RAB11FIP5: variants seen among roughly 807,000 people sequenced by gnomAD.
RAB11FIP5 encodes the protein RAB11 family interacting protein 5, also known as rab11 family-interacting protein 5.
A neutral mutation model predicts 85.1 loss-of-function variants in RAB11FIP5; 48 were observed. The observed-to-expected ratio is 0.56, with a 90% CI of 0.45 to 0.72. RAB11FIP5 has a LOEUF of 0.72. Among genes scored for constraint, RAB11FIP5 ranks in the 30% least tolerant of loss-of-function variants. RAB11FIP5 has a pLI of 0.00. For synonymous variants in RAB11FIP5, 729 were observed against 727.3 expected, an observed-to-expected ratio of 1.00 and a Z score of -0.04; for missense variants, 1,491 against 1,687.0, an observed-to-expected ratio of 0.88 and a Z score of 2.04.
intron 3 of RAB11FIP5, among the ~76,000 whole-genome samples, chr2:73,082,494 G>A (rs1450413106): frequency 1.3e-5 from 2 of 152,270 alleles, no homozygotes; most frequent in African/African-American, 2.4e-5. Flanking sequence ...AAGTAATGAC[G>A]GGCTGTCATT....
At chr2:73,107,499 A>T (rs981536664) in intron 1 of RAB11FIP5, among the ~76,000 whole-genome samples, 11 of 152,068 alleles carry the variant, frequency 7.2e-5, no homozygotes, top group Admixed American at 3.3e-4. Flanking sequence ...TGGGGCAGAG[A>T]TGGGGCTGAC....
rs568528664 is a variant in RAB11FIP5 at position 73,085,783 on chromosome 2, T to C, written c.1568+2267A>G. 9.8e-5 allele frequency among the ~76,000 whole-genome samples: 15 copies of C among 152,286 alleles called. No homozygotes were observed. The South Asian group carries it at 2.3e-3, about 23-fold the overall frequency. On this transcript the variant is annotated intron_variant, in intron 3 of 5. Transcript: ENST00000486777. ...ACACGTTCAGCCCCGGGCCTCTCTG[T>C]GGGGCATCAGTGCCACATGGGAGCA... is the stretch of plus-strand genomic sequence containing the variant.
In RAB11FIP5 at chr2:73,088,985, C is replaced by T. The variant is rs776261949; in HGVS notation, c.762G>A (p.Ser254=). The T allele has an allele frequency of 1.4e-5, 22 of 1,614,198 alleles. No individual in the cohort carries two copies. Among genetic ancestry groups the T allele is most frequent in the South Asian group, 2.2e-5 (2 of 91,086 alleles). Residue 254 remains serine, a synonymous_variant, in exon 2 of 6, where the codon TCG becomes TCA. Transcript: ENST00000486777. The part of the protein sequence containing the change: ...SLTQSNTSLG[S]DSTLSSASGS... ...CGCTGGCTGAGGACAGGGTGCTGTC[C>T]GAGCCCAGCGAGGTGTTGGACTGGG...
rs1683970664 is a variant in RAB11FIP5, at chr2:73,081,149, C to T, written c.2083G>A (p.Glu695Lys). 1.6e-6 allele frequency: 2 copies of T among 1,233,284 alleles called. No individual in the cohort carries two copies. The highest frequency in any genetic ancestry group is 2.0e-6 in the Non-Finnish European group (2 of 988,786). 76.4% of individuals were successfully genotyped at this position (1,233,284 alleles called of 1,614,324 possible). The change falls in exon 4 of 6, where the codon GAG becomes AAG. Residue 695 changes from glutamate (E) to lysine (K), a missense_variant. Around this residue, in one of 3 missense-constraint regions of RAB11FIP5, gnomAD observed 1,211 missense variants for 1,338.0 expected, o/e 0.91. Coordinates refer to ENST00000486777, the MANE Select transcript of RAB11FIP5 (RefSeq NM_001371272.1). The surrounding 1 kb of genome is among the most constrained non-coding windows in gnomAD (Gnocchi z 4.2). ...GPGAMTAKAA[E>K]PQGEPGGGGG... ...CCTCCCCCAGGCTCTCCCTGGGGCT[C>T]AGCTGCCTTCGCAGTCATGGCCCCA...
At position 73,088,697 on chromosome 2, in the gene RAB11FIP5, G is replaced by T; in HGVS notation, c.921C>A (p.Ser307Arg). The T allele has an allele frequency of 6.2e-7, 1 of 1,612,262 alleles. No individual in the cohort carries two copies. ...PKLFTHKRTY[S>R]DEANQMRVAP... ...CCACTCGCATCTGGTTGGCCTCATC[G>T]CTGTAGGTCCTCTTATGGGTGAACA... Residue 307 changes from serine to arginine, a missense_variant, in exon 3 of 6, where the codon AGC becomes AGA. Transcript: ENST00000486777.
Position 73,078,363 on chromosome 2 carries a change from G to A in RAB11FIP5, c.3581+1288C>T, listed in dbSNP as rs1246814508. Among the ~76,000 whole-genome samples the A allele has an allele frequency of 6.6e-6, 1 of 152,172 alleles. No homozygotes were observed. Among genetic ancestry groups the A allele is most frequent in the Non-Finnish European group, 1.5e-5 (1 of 68,034 alleles). On this transcript the variant is annotated intron_variant, in intron 4 of 5. Transcript: ENST00000486777. This position sits in a 1 kb window ranked among gnomAD's most constrained non-coding sequence, Gnocchi z 4.4. ...ACAGACATGAAGCCAACTCTGGGAC[G>A]AATAAAACTTATAAAAAGTGGCAAG...
rs563242788 is a variant in RAB11FIP5, at chr2:73,075,968, GC to G, written c.3771+24del. 135 of 1,597,122 alleles carry G rather than the reference GC, an allele frequency of 8.5e-5. 3 individuals carry two copies. The South Asian group carries it at 1.5e-3, about 18-fold the overall frequency. On this transcript the variant is annotated intron_variant, in intron 5 of 5. Transcript: ENST00000486777. This position sits in a 1 kb window ranked among gnomAD's most constrained non-coding sequence, Gnocchi z 4.6. ...ACTCCACCACACATTCTGTCAGATG[GC>G]CCCCACACCCTGCTGGGCCTTACCT...
chr2:73,108,759 T>C (rs547843716), intron 1 of RAB11FIP5, among the ~76,000 whole-genome samples: 28 of 152,286 alleles, frequency 1.8e-4, no homozygotes, highest in African/African-American at 6.7e-4. Context: ...AAGAAGGACG[T>C]TGGGCCAGGC....
intron 4 of RAB11FIP5, among the ~76,000 whole-genome samples, chr2:73,076,616 G>A (rs1299140782): frequency 6.6e-6 from 1 of 152,142 alleles, no homozygotes; most frequent in Non-Finnish European, 1.5e-5. Flanking sequence ...AGGATTCCCA[G>A]GACATGAGAC....
chr2:73,081,969 T>G lies in RAB11FIP5; in HGVS notation c.1569-306A>C, dbSNP rs1683992425. Among the ~76,000 whole-genome samples the G allele has an allele frequency of 6.6e-6, 1 of 151,944 alleles. No individual in the cohort carries two copies. Among genetic ancestry groups the G allele is most frequent in the Admixed American group, 6.6e-5 (1 of 15,262 alleles). On this transcript the variant is annotated intron_variant, in intron 3 of 5. Transcript: ENST00000486777. The surrounding 1 kb of genome is among the most constrained non-coding windows in gnomAD (Gnocchi z 4.2). ...AAGTGTTCTTTCCTCTATCCCATGC[T>G]GAAGCTTCTAAGGTTCTACTCAACA... is the stretch of plus-strand genomic sequence containing the variant.
intron 1 of RAB11FIP5, among the ~76,000 whole-genome samples, chr2:73,104,125 C>T (rs914531789): frequency 1.3e-5 from 2 of 152,220 alleles, no homozygotes; most frequent in Admixed American, 6.5e-5. Context: ...AACGCATTTG[C>T]CTTTAAATGC....
chr2:73,107,986 A>AC (rs1684564683), intron 1 of RAB11FIP5, among the ~76,000 whole-genome samples: 1 of 152,098 alleles, frequency 6.6e-6, no homozygotes, highest in South Asian at 2.1e-4. Flanking sequence ...GCCCTCAAAG[A>AC]CCATCCCAGC....
intron 1 of RAB11FIP5, among the ~76,000 whole-genome samples, chr2:73,110,476 T>A (rs1011425568): frequency 7.3e-6 from 1 of 136,696 alleles, no homozygotes; most frequent in African/African-American, 3.1e-5. Flanking sequence ...TCCCCACTCC[T>A]GTTCCCCCCC....
At position 73,112,436 on chromosome 2, in the gene RAB11FIP5, G is replaced by A; in HGVS notation, c.342C>T (p.His114=). The A allele has an allele frequency of 2.5e-6, 4 of 1,573,784 alleles. No homozygotes were observed. The highest frequency in any genetic ancestry group is 1.1e-5 in the South Asian group (1 of 87,286). Residue 114 remains histidine (H), a synonymous_variant, in exon 1 of 6, where the codon CAC becomes CAT. Coordinates refer to ENST00000486777, the MANE Select transcript of RAB11FIP5 (RefSeq NM_001371272.1). The stretch of plus-strand genomic sequence containing the variant: ...ACTTGTCGACGCCGATGAGCGAGCG[G>A]TGCATGGTGGTGAGCACCAGCTCGC... ...AACELVLTTM[H]RSLIGVDKFL...
intron 1 of RAB11FIP5, among the ~76,000 whole-genome samples, chr2:73,096,725 C>T (rs1186865394): frequency 2.6e-5 from 4 of 152,208 alleles, no homozygotes; most frequent in African/African-American, 4.8e-5. Context: ...GTTTACCTGA[C>T]GTCCACATTC....
At chr2:73,083,952 G>GC (rs1684047017) in intron 3 of RAB11FIP5, among the ~76,000 whole-genome samples, 1 of 152,174 alleles carries the variant, frequency 6.6e-6, no homozygotes, top group African/African-American at 2.4e-5. Flanking sequence ...GCTTAACTCT[G>GC]CCCCCTCAGC....
chr2:73,076,119 G>C lies in RAB11FIP5; in HGVS notation c.3645C>G (p.Ser1215=). The stretch of plus-strand genomic sequence containing the variant: ...TCAGGGCTATGCTCAGACTGGAGCG[G>C]GACTGCTTCCTGTCGGGGCTGCCCT... The part of the protein sequence containing the change: ...PVEGSPDRKQ[S]RSSLSIALSS... The change falls in exon 5 of 6, where the codon TCC becomes TCG. Residue 1215 remains serine, a synonymous_variant. Transcript: ENST00000486777. The C allele has an allele frequency of 6.2e-7, 1 of 1,614,040 alleles. No individual in the cohort carries two copies. Among genetic ancestry groups the C allele is most frequent in the Non-Finnish European group, 8.5e-7 (1 of 1,179,896 alleles).
intron 4 of RAB11FIP5, 86 bp from the exon 5 acceptor site, chr2:73,076,268 G>A: frequency 4.6e-6 from 6 of 1,291,712 alleles, no homozygotes; most frequent in Non-Finnish European, 5.4e-6. Context: ...GGAGCCTCCA[G>A]GTCTGCTGGA....
chr2:73,090,771 A>G (rs1684193097), intron 1 of RAB11FIP5, among the ~76,000 whole-genome samples: 1 of 152,252 alleles, frequency 6.6e-6, no homozygotes, highest in South Asian at 2.1e-4. Context: ...GGCAGAGCAC[A>G]GGGACTTCTC....
Sources: gnomAD v4.1 joint callset for allele counts (sites outside exome capture counted in the v4.1 genomes callset) on GRCh38, gnomAD v4.1.1 for gene constraint, gnomAD v4.1.1 regional missense constraint, Gnocchi (gnomAD v3.1) non-coding constraint, MANE v1.5 for transcripts, NCBI Gene and HGNC (gene_info 2026-07-23, HGNC 2026-07-21) for gene names.